Variants in SCAPER observed in about 807,000 individuals in gnomAD.
The protein encoded by SCAPER is S-phase cyclin A associated protein in the ER.
SCAPER carries 98 observed loss-of-function variants against 182.2 expected under a neutral mutation model. The observed-to-expected ratio is 0.54, with a 90% CI of 0.46 to 0.64. The LOEUF (loss-of-function observed/expected upper bound fraction) is 0.64. Ranked by LOEUF, SCAPER falls within the 30% of genes least tolerant of loss-of-function variation. The probability of loss-of-function intolerance (pLI) is 0.00; values close to 1 mark genes in which losing one functional copy is unlikely to be tolerated. For missense variants in SCAPER, 1,432 were observed against 1,690.0 expected (o/e 0.85, Z 2.68); for synonymous variants, 605 against 564.6 (o/e 1.07, Z -1.01).
intron 4 of SCAPER, among the ~76,000 whole-genome samples, chr15:76,844,952 C>CA (rs1481510864): frequency 1.1e-4 from 16 of 151,952 alleles, no homozygotes; most frequent in African/African-American, 3.9e-4. Flanking sequence ...AACATTGACG[C>CA]AAAAATCTTC....
intron 25 of SCAPER, among the ~76,000 whole-genome samples, chr15:76,467,415 A>G (rs1174997789): frequency 6.7e-6 from 1 of 148,726 alleles, no homozygotes; most frequent in African/African-American, 2.5e-5. Context: ...TCTCCCTCCC[A>G]GAGGAGAAGC....
intron 22 of SCAPER, among the ~76,000 whole-genome samples, chr15:76,605,591 A>T (rs2050314809): frequency 1.3e-5 from 2 of 152,234 alleles, no homozygotes; most frequent in Non-Finnish European, 2.9e-5. Flanking sequence ...TAGTTTCAGA[A>T]GGAATGGTAG....
chr15:76,821,193 T>G (rs1163851423), intron 5 of SCAPER, among the ~76,000 whole-genome samples: 1 of 152,244 alleles, frequency 6.6e-6, no homozygotes, highest in African/African-American at 2.4e-5. Flanking sequence ...TATAGCAGCT[T>G]TATTCATAAT....
chr15:76,806,740 C>T (rs2066188505), intron 5 of SCAPER, among the ~76,000 whole-genome samples: 1 of 152,072 alleles, frequency 6.6e-6, no homozygotes, highest in South Asian at 2.1e-4. Context: ...TTCGTAGTTT[C>T]TTTCAATTAT....
intron 24 of SCAPER, among the ~76,000 whole-genome samples, chr15:76,493,569 A>C (rs796239135): frequency 2.0e-5 from 3 of 152,342 alleles, no homozygotes; most frequent in African/African-American, 7.2e-5. Flanking sequence ...TGAGCATCAA[A>C]TTAGTTCATT....
chr15:76,361,775 A>G lies in SCAPER; in HGVS notation c.3856-7635T>C, dbSNP rs1485277821. On this transcript the variant is annotated intron_variant, in intron 29 of 31. Coordinates refer to ENST00000563290, the MANE Select transcript of SCAPER (RefSeq NM_020843.4). ...ATTGTAGTAAAATATCTTATTAATT[A>G]TAACCAATTATCCTTACTTAGTATG... 2.0e-5 allele frequency among the ~76,000 whole-genome samples: 3 copies of G among 152,246 alleles called. No homozygotes were observed. The East Asian group carries it at 5.8e-4, about 29-fold the overall frequency.
intron 17 of SCAPER, among the ~76,000 whole-genome samples, chr15:76,720,873 G>T (rs2060196499): frequency 6.6e-6 from 1 of 152,130 alleles, no homozygotes; most frequent in Admixed American, 6.5e-5. Flanking sequence ...CATTCTGTAG[G>T]TTGCCTGTTC....
chr15:76,540,733 A>G (rs2044668166), intron 23 of SCAPER, among the ~76,000 whole-genome samples: 1 of 151,940 alleles, frequency 6.6e-6, no homozygotes, highest in African/African-American at 2.4e-5. Context: ...AATAATAATT[A>G]TTATTTTCAA....
intron 23 of SCAPER, among the ~76,000 whole-genome samples, chr15:76,566,023 A>C (rs987200178): frequency 2.2e-4 from 33 of 152,098 alleles, no homozygotes; most frequent in Non-Finnish European, 4.7e-4. Flanking sequence ...ATTCCAGCTG[A>C]AAATAAGAGA....
intron 23 of SCAPER, among the ~76,000 whole-genome samples, chr15:76,565,281 C>T (rs1239645616): frequency 1.3e-5 from 2 of 151,766 alleles, no homozygotes; most frequent in Non-Finnish European, 2.9e-5. Context: ...AGGCCTAATA[C>T]CTGGCATCTA....
chr15:76,517,788 T>C (rs1376374711), intron 23 of SCAPER, among the ~76,000 whole-genome samples: 1 of 152,162 alleles, frequency 6.6e-6, no homozygotes, highest in Admixed American at 6.5e-5. Flanking sequence ...TGTTCCAGGA[T>C]TGAATATAGA....
intron 22 of SCAPER, among the ~76,000 whole-genome samples, chr15:76,575,372 A>G (rs2047741674): frequency 6.6e-6 from 1 of 152,170 alleles, no homozygotes; most frequent in Non-Finnish European, 1.5e-5. Context: ...ACTCTCTTCA[A>G]AAGTCCACCC....
At chr15:76,397,933 A>C (rs545547853) in intron 27 of SCAPER, among the ~76,000 whole-genome samples, 13 of 152,292 alleles carry the variant, frequency 8.5e-5, no homozygotes, top group South Asian at 6.2e-4. Context: ...CCGTTACCAC[A>C]TCTCAGCAAA....
chr15:76,381,595 T>C lies in SCAPER; in HGVS notation c.3488A>G (p.Asn1163Ser), dbSNP rs753434233. Residue 1163 changes from asparagine (N) to serine (S), a missense_variant, in exon 28 of 32, where the codon AAT (asparagine) becomes AGT (serine). This residue lies in a region of SCAPER where 718 missense variants were observed against 799.7 expected (regional missense o/e 0.90). Transcript: ENST00000563290. The part of the protein sequence containing the change: ...VTGRSYSIFD[N>S]NRQDPTGLTA... ...CAGCCCTGTGGGATCCTGGCGATTA[T>C]TGTCAAATATGCTGTATGACCTGAC... 1.1e-5 allele frequency: 17 copies of C among 1,596,992 alleles called. No homozygotes were observed. The highest frequency in any genetic ancestry group is 1.4e-5 in the Non-Finnish European group (16 of 1,171,336).
Position 76,753,986 on chromosome 15 carries a change from T to C in SCAPER, c.1726-38A>G, listed in dbSNP as rs376893858. 92 of 1,592,500 alleles carry C rather than the reference T, an allele frequency of 5.8e-5. 1 individual carries two copies. Among genetic ancestry groups the C allele is most frequent in the Non-Finnish European group, 7.3e-5 (85 of 1,167,750 alleles). On this transcript the variant is annotated intron_variant, in intron 14 of 31. Coordinates refer to ENST00000563290, the MANE Select transcript of SCAPER (RefSeq NM_020843.4). ...AATCATCACATCCTTAATTTCAATA[T>C]ATACAATCATTTAAAAGAAGTACAA...
chr15:76,846,006 A>G (rs980474030), intron 4 of SCAPER, among the ~76,000 whole-genome samples: 13 of 152,130 alleles, frequency 8.5e-5, no homozygotes, highest in African/African-American at 3.1e-4. Flanking sequence ...ACACAGATCA[A>G]TGGAACATAA....
chr15:76,885,298 T>C (rs547415893), intron 1 of SCAPER, among the ~76,000 whole-genome samples: 1 of 152,312 alleles, frequency 6.6e-6, no homozygotes, highest in South Asian at 2.1e-4. Flanking sequence ...AATTTTCCAA[T>C]TCCATACACC....
intron 24 of SCAPER, among the ~76,000 whole-genome samples, chr15:76,485,449 G>C (rs2051538200): frequency 6.6e-6 from 1 of 152,126 alleles, no homozygotes. Context: ...CGTTAAAATG[G>C]CCATATTGCC....
intron 22 of SCAPER, among the ~76,000 whole-genome samples, chr15:76,608,675 G>A (rs2050690534): frequency 6.6e-6 from 1 of 152,222 alleles, no homozygotes; most frequent in Admixed American, 6.5e-5. Context: ...CCCAGTTCGA[G>A]ATTCCCGGCC....
Sources: allele counts gnomAD v4.1 joint callset (sites outside exome capture counted in the v4.1 genomes callset), GRCh38; gene constraint gnomAD v4.1.1; regional missense constraint gnomAD v4.1.1; transcripts MANE v1.5; gene names NCBI Gene and HGNC (gene_info 2026-07-23, HGNC 2026-07-21).